The following WWOX variants were observed in gnomAD, a reference collection of about 807,000 sequenced individuals.
The protein encoded by WWOX is WW domain-containing oxidoreductase.
WWOX carries 69 observed loss-of-function variants against 46.2 expected under a neutral mutation model. That is an observed-to-expected ratio of 1.49 (90% CI 1.23 to 1.82). The LOEUF is 1.82. WWOX is among the 40% of genes most tolerant of loss of function. The pLI, the probability that WWOX is intolerant of heterozygous loss-of-function variation, is 0.00. For missense variants in WWOX, 919 were observed against 542.6 expected (o/e 1.69, Z -6.89); for synonymous variants, 359 against 202.6 (o/e 1.77, Z -6.56).
At chr16:78,450,718 T>C (rs367975345) in intron 8 of WWOX, among the ~76,000 whole-genome samples, 8 of 152,332 alleles carry the variant, frequency 5.3e-5, no homozygotes, top group African/African-American at 1.7e-4. Flanking sequence ...GTGTGTGCTA[T>C]GTGTATGATT....
intron 7 of WWOX, among the ~76,000 whole-genome samples, chr16:78,426,531 C>T (rs529550101): frequency 6.6e-6 from 1 of 152,142 alleles, no homozygotes; most frequent in African/African-American, 2.4e-5. Flanking sequence ...AAGGAAGGGA[C>T]TTGGGCTCTT....
intron 8 of WWOX, among the ~76,000 whole-genome samples, chr16:79,110,497 A>C (rs1409178802): frequency 2.0e-5 from 3 of 152,192 alleles, no homozygotes; most frequent in African/African-American, 4.8e-5. Context: ...CTCTGCTAGA[A>C]TATCTGACCC....
intron 8 of WWOX, among the ~76,000 whole-genome samples, chr16:78,642,118 A>G (rs907894481): frequency 2.0e-5 from 3 of 152,136 alleles, no homozygotes; most frequent in Non-Finnish European, 4.4e-5. Context: ...ATAATTGACA[A>G]TTTCTCTCCA....
intron 5 of WWOX, chr16:78,241,340 C>A (rs915217592): frequency 1.3e-5 from 2 of 152,414 alleles, no homozygotes; most frequent in African/African-American, 2.4e-5. Flanking sequence ...TCTGCTTCCT[C>A]CTGTTGCTAT....
chr16:78,477,840 C>T (rs571811331), intron 8 of WWOX, among the ~76,000 whole-genome samples: 2 of 152,006 alleles, frequency 1.3e-5, no homozygotes. Flanking sequence ...AAATCTGATT[C>T]TTTTACTATG....
intron 8 of WWOX, among the ~76,000 whole-genome samples, chr16:79,208,743 G>A (rs1028614464): frequency 1.3e-5 from 2 of 152,068 alleles, no homozygotes; most frequent in Middle Eastern, 3.2e-3. Flanking sequence ...TATGTAGGCC[G>A]AAAAGCTGGT....
intron 8 of WWOX, among the ~76,000 whole-genome samples, chr16:78,563,199 A>G: frequency 6.6e-6 from 1 of 152,200 alleles, no homozygotes; most frequent in South Asian, 2.1e-4. Context: ...AATAAATCAT[A>G]ATTTATATTG....
intron 8 of WWOX, among the ~76,000 whole-genome samples, chr16:78,619,593 G>C (rs1454613121): frequency 6.6e-6 from 1 of 151,750 alleles, no homozygotes; most frequent in East Asian, 2.0e-4. Context: ...AGTAAATGGA[G>C]GCAATAGTGA....
rs1318138632 is a variant in WWOX, at chr16:79,211,867, G to A, written c.*71G>A. On this transcript the variant is annotated 3_prime_UTR_variant, in exon 9 of 9. Coordinates refer to ENST00000566780, the MANE Select transcript of WWOX (RefSeq NM_016373.4). ...CCCCTCACGCAAGTGCCAGGGCTGG[G>A]CCCCTTCCAAATGTCCCTCCAACAC... The A allele has an allele frequency of 2.5e-6, 4 of 1,597,588 alleles. No homozygotes were observed. The highest frequency in any genetic ancestry group is 1.7e-5 in the Admixed American group (1 of 57,366).
chr16:79,012,019 T>C (rs1318959554), intron 8 of WWOX, among the ~76,000 whole-genome samples: 1 of 152,166 alleles, frequency 6.6e-6, no homozygotes, highest in Non-Finnish European at 1.5e-5. Flanking sequence ...TTCTGAATAG[T>C]TCAGGGATCC....
At chr16:78,518,587 A>C (rs367722360) in intron 8 of WWOX, among the ~76,000 whole-genome samples, 1 of 152,188 alleles carries the variant, frequency 6.6e-6, no homozygotes, top group Non-Finnish European at 1.5e-5. Context: ...ATTTCTACAC[A>C]ATGGAAACTT....
intron 8 of WWOX, among the ~76,000 whole-genome samples, chr16:78,623,232 C>G (rs2046231688): frequency 6.6e-6 from 1 of 152,066 alleles, no homozygotes; most frequent in Non-Finnish European, 1.5e-5. Context: ...AGCTGTTAAG[C>G]TTTTGGTAAT....
intron 8 of WWOX, among the ~76,000 whole-genome samples, chr16:78,852,847 T>C (rs2052480126): frequency 6.6e-6 from 1 of 152,228 alleles, no homozygotes; most frequent in African/African-American, 2.4e-5. Flanking sequence ...GCAGAAACTT[T>C]TATACAGTAA....
At chr16:78,353,881 A>G (rs1458101196) in intron 5 of WWOX, among the ~76,000 whole-genome samples, 1 of 152,176 alleles carries the variant, frequency 6.6e-6, no homozygotes, top group Non-Finnish European at 1.5e-5. Context: ...AGTTGTCAGG[A>G]TTCTCGTAAA....
intron 8 of WWOX, among the ~76,000 whole-genome samples, chr16:78,473,557 T>TAA (rs1327872589): frequency 5.0e-5 from 7 of 139,762 alleles, no homozygotes; most frequent in African/African-American, 2.2e-4. Context: ...GGTGAGCAGA[T>TAA]ACACTTATCT....
At chr16:78,535,180 A>G (rs987168585) in intron 8 of WWOX, 3 of 152,206 alleles carry the variant, frequency 2.0e-5, no homozygotes, top group African/African-American at 7.2e-5. Flanking sequence ...CTCTTCGAAC[A>G]GAGGCTGCAG....
At chr16:78,932,592 G>A (rs533649020) in intron 8 of WWOX, among the ~76,000 whole-genome samples, 3 of 152,324 alleles carry the variant, frequency 2.0e-5, no homozygotes, top group Non-Finnish European at 4.4e-5. Flanking sequence ...GTTTTCAAGA[G>A]GTGCCGACCA....
intron 8 of WWOX, among the ~76,000 whole-genome samples, chr16:78,678,289 T>G (rs938126022): frequency 1.3e-5 from 2 of 152,130 alleles, no homozygotes; most frequent in Non-Finnish European, 2.9e-5. Flanking sequence ...GACAGGAGGA[T>G]CGCTTGAGCC....
intron 8 of WWOX, among the ~76,000 whole-genome samples, chr16:79,034,487 T>C (rs2047827634): frequency 6.6e-6 from 1 of 152,238 alleles, no homozygotes; most frequent in Admixed American, 6.5e-5. Context: ...GGGGGCTCTG[T>C]TAAGACATGC....
Sources: gnomAD v4.1 joint callset for allele counts (sites outside exome capture counted in the v4.1 genomes callset) on GRCh38, gnomAD v4.1.1 for gene constraint, MANE v1.5 for transcripts, NCBI Gene and HGNC (gene_info 2026-07-23, HGNC 2026-07-21) for gene names.